The following ABCG5 variants were observed in gnomAD, a reference collection of about 807,000 sequenced individuals.
ABCG5 encodes ATP-binding cassette sub-family G member 5.
ABCG5 carries 64 observed loss-of-function variants against 64.5 expected under a neutral mutation model. The ratio of observed to expected loss-of-function variants is 0.99; its 90% CI spans 0.81 to 1.22. ABCG5 has a LOEUF of 1.22. ABCG5 is among the 50% of genes most tolerant of loss of function. The pLI is 0.00. For synonymous variants in ABCG5, 385 were observed against 326.3 expected, an observed-to-expected ratio of 1.18 and a Z score of -1.94; for missense variants, 908 against 829.5, an observed-to-expected ratio of 1.09 and a Z score of -1.16.
At chr2:43,816,737 A>G (rs1666859319) in intron 11 of ABCG5, among the ~76,000 whole-genome samples, 1 of 152,176 alleles carries the variant, frequency 6.6e-6, no homozygotes, top group African/African-American at 2.4e-5. Context: ...AAATGGGAAA[A>G]AAAGTATGCA....
At chr2:43,814,705 T>C in intron 11 of ABCG5, 116 bp from the exon 12 acceptor site, 1 of 636,304 alleles carries the variant, frequency 1.6e-6, no homozygotes, top group Non-Finnish European at 2.7e-6. Flanking sequence ...TATCTCCTTA[T>C]TATAAAAATG....
Position 43,819,944 on chromosome 2 carries a change from C to A in ABCG5, c.1620G>T (p.Ala540=), listed in dbSNP as rs145527220. 1.2e-6 allele frequency: 2 copies of A among 1,614,112 alleles called. No homozygotes were observed. Among genetic ancestry groups the A allele is most frequent in the Non-Finnish European group, 1.7e-6 (2 of 1,180,024 alleles). The change falls in exon 11 of 13, where the codon GCG becomes GCT. Residue 540 remains alanine, a synonymous_variant. Transcript: ENST00000405322. ...VNSVVALLSI[A]GVLVGSGFLR... is the part of the protein sequence containing the mutation. ...GGAATCCAGATCCAACAAGCACCCC[C>A]GCAATGGACAGCAGAGCCACTACAC... is the stretch of plus-strand genomic sequence containing the variant.
rs1311685045 is a variant in ABCG5, at chr2:43,838,397, C to T, written c.143+140G>A. The T allele has an allele frequency of 5.5e-5, 44 of 798,084 alleles. 1 individual carries two copies. The East Asian group carries it at 1.2e-3, about 21-fold the overall frequency. 49.4% of individuals were successfully genotyped at this position (798,084 alleles called of 1,614,324 possible). A position where few individuals can be genotyped will look rare whatever the true frequency, so the allele number is the denominator to read the frequency against. On this transcript the variant is annotated intron_variant, in intron 1 of 12. Transcript: ENST00000405322. The surrounding 1 kb of genome is among the most constrained non-coding windows in gnomAD (Gnocchi z 4.2). ...GTTTCCCAGCACAGCCCTTCTCCCT[C>T]TCCTCTCTCCACCCGATCCACTAAA...
At chr2:43,830,387 C>A (rs1350907677) in intron 4 of ABCG5, among the ~76,000 whole-genome samples, 1 of 152,230 alleles carries the variant, frequency 6.6e-6, no homozygotes, top group Admixed American at 6.5e-5. Flanking sequence ...AGTTCCATAA[C>A]TTGCCCAAGA....
At chr2:43,810,099 A>G, downstream of ABCG5, 1 of 505,870 alleles carries the variant, frequency 2.0e-6, no homozygotes, top group Non-Finnish European at 2.6e-6. Flanking sequence ...ATTTGGTTAC[A>G]GTTTTAAATG....
At position 43,819,530 on chromosome 2, in the gene ABCG5, T is replaced by G. The variant is rs144042134; in HGVS notation, c.1649+385A>C. 1.6e-3 allele frequency among the ~76,000 whole-genome samples: 242 copies of G among 152,030 alleles called. 3 individuals carry two copies. The highest frequency in any genetic ancestry group is 9.9e-3 in the Admixed American group (151 of 15,260). ...CTTAATTCCTAAGAATAACTGGGAA[T>G]TGAGAACTGCAGTTCACACTCAACA... On this transcript the variant is annotated intron_variant, in intron 11 of 12. Coordinates refer to ENST00000405322, the MANE Select transcript of ABCG5 (RefSeq NM_022436.3).
chr2:43,827,891 A>G (rs2104841410), intron 5 of ABCG5, 92 bp downstream of exon 5: 1 of 1,572,058 alleles, frequency 6.4e-7, no homozygotes, highest in East Asian at 2.3e-5. Context: ...ACCCCTTTCC[A>G]AATGAGGACC....
intron 5 of ABCG5, 87 bp downstream of exon 5, chr2:43,827,896 A>C: frequency 6.3e-7 from 1 of 1,578,892 alleles, no homozygotes; most frequent in Non-Finnish European, 8.6e-7. Flanking sequence ...TTTCCAAATG[A>C]GGACCGTGAA....
At chr2:43,827,082 T>C (rs1558752075) in intron 5 of ABCG5, among the ~76,000 whole-genome samples, 1 of 152,126 alleles carries the variant, frequency 6.6e-6, no homozygotes, top group Non-Finnish European at 1.5e-5. Context: ...GCCAACACTT[T>C]GGGAGGTCAA....
At chr2:43,837,090 T>C (rs983428834) in intron 2 of ABCG5, among the ~76,000 whole-genome samples, 7 of 149,292 alleles carry the variant, frequency 4.7e-5, no homozygotes, top group African/African-American at 9.8e-5. Context: ...CCGATGTTAA[T>C]ACATGAACTT....
At position 43,813,380 on chromosome 2, in the gene ABCG5, A is replaced by G. The variant is rs1666586927; in HGVS notation, c.1763-71T>C. On this transcript the variant is annotated intron_variant, in intron 12 of 12. Coordinates refer to ENST00000405322, the MANE Select transcript of ABCG5 (RefSeq NM_022436.3). ...TAATTTAATCAACAAGTATTTACCA[A>G]GCGCTTGCTAAGTACCCTTAATGAA... is the stretch of plus-strand genomic sequence containing the variant. 4.5e-6 allele frequency: 5 copies of G among 1,112,784 alleles called. No individual in the cohort carries two copies. In the Admixed American group the frequency reaches 7.6e-5, roughly 17 times the overall value. The allele number at this position is 1,112,784 out of a possible 1,614,324, so 68.9% of individuals were successfully genotyped here. A position where few individuals can be genotyped will look rare whatever the true frequency, so the allele number is the denominator to read the frequency against.
chr2:43,810,384 C>G (rs1666440325), downstream of ABCG5: 10 of 985,352 alleles, frequency 1.0e-5, no homozygotes, highest in Non-Finnish European at 1.2e-5. Flanking sequence ...AGAACAGGCA[C>G]ATCTAAGGAG....
intron 4 of ABCG5, among the ~76,000 whole-genome samples, chr2:43,830,186 A>G (rs539205395): frequency 6.6e-6 from 1 of 152,270 alleles, no homozygotes; most frequent in South Asian, 2.1e-4. Flanking sequence ...GAGGTTTCAC[A>G]CCCCAGCAGG....
At chr2:43,819,608 G>A (rs1400988805) in intron 11 of ABCG5, among the ~76,000 whole-genome samples, 1 of 151,972 alleles carries the variant, frequency 6.6e-6, no homozygotes, top group African/African-American at 2.4e-5. Context: ...CTATCATGTG[G>A]GCTGTGAGTT....
chr2:43,813,898 T>C (rs917948652), intron 12 of ABCG5, among the ~76,000 whole-genome samples: 1 of 151,872 alleles, frequency 6.6e-6, no homozygotes, highest in Admixed American at 6.6e-5. Context: ...TTTGTATTTT[T>C]AGTAGAGACA....
upstream of ABCG5, chr2:43,839,226 C>A: frequency 1.7e-6 from 2 of 1,211,710 alleles, no homozygotes; most frequent in Non-Finnish European, 1.2e-6. Context: ...GGACATCAAG[C>A]AGTGTGAGGA....
intron 4 of ABCG5, among the ~76,000 whole-genome samples, chr2:43,830,821 G>C (rs1021020987): frequency 6.6e-6 from 1 of 152,238 alleles, no homozygotes; most frequent in Non-Finnish European, 1.5e-5. Flanking sequence ...GGGTTTACCT[G>C]TGGCTACTTC....
chr2:43,832,102 A>C lies in ABCG5; in HGVS notation c.266-19T>G. ...CCGGAGCCTGCGGGGCGACAACAGA[A>C]GGCCCTAGAGGAACCACTCTGTGCC... is the stretch of plus-strand genomic sequence containing the variant. On this transcript the variant is annotated intron_variant, in intron 2 of 12. Coordinates refer to ENST00000405322, the MANE Select transcript of ABCG5 (RefSeq NM_022436.3). The C allele has an allele frequency of 6.4e-7, 1 of 1,569,738 alleles. No individual in the cohort carries two copies. The highest frequency in any genetic ancestry group is 1.7e-4 in the Middle Eastern group (1 of 6,008).
chr2:43,833,413 C>T (rs190402556), intron 2 of ABCG5, among the ~76,000 whole-genome samples: 58 of 149,300 alleles, frequency 3.9e-4, no homozygotes, highest in South Asian at 1.3e-3. Flanking sequence ...GACGAAGTAT[C>T]GCTCTGTTGC....
Sources: allele counts gnomAD v4.1 joint callset (sites outside exome capture counted in the v4.1 genomes callset), GRCh38; gene constraint gnomAD v4.1.1; non-coding constraint Gnocchi (gnomAD v3.1); transcripts MANE v1.5; gene names NCBI Gene and HGNC (gene_info 2026-07-23, HGNC 2026-07-21).